DOCK5: variants seen among roughly 807,000 people sequenced by gnomAD.
DOCK5 encodes the protein dedicator of cytokinesis protein 5.
Under a neutral mutation model 251.8 loss-of-function variants are expected in DOCK5, and 142 were observed. The observed-to-expected ratio is 0.56, with a 90% CI of 0.49 to 0.65. The LOEUF (loss-of-function observed/expected upper bound fraction) is 0.65. Among genes scored for constraint, DOCK5 ranks in the 30% least tolerant of loss-of-function variants. The probability of loss-of-function intolerance (pLI) is 0.00; values close to 1 mark genes in which losing one functional copy is unlikely to be tolerated. For synonymous variants in DOCK5, 842 were observed against 835.5 expected (o/e 1.01, Z -0.13); for missense variants, 2,111 against 2,312.3 (o/e 0.91, Z 1.79).
chr8:25,399,048 G>C (rs1345821127), intron 45 of DOCK5, among the ~76,000 whole-genome samples: 1 of 152,160 alleles, frequency 6.6e-6, no homozygotes, highest in Non-Finnish European at 1.5e-5. Context: ...GCAGAAGACC[G>C]AAGGGGAATC....
intron 1 of DOCK5, among the ~76,000 whole-genome samples, chr8:25,187,294 CAT>C (rs1312579002): frequency 2.1e-5 from 3 of 143,020 alleles, no homozygotes; most frequent in African/African-American, 8.0e-5. Flanking sequence ...TATGTATATA[CAT>C]ATATATGTAT....
Position 25,372,610 on chromosome 8 carries a change from C to G in DOCK5, c.3576C>G (p.Val1192=). 1 of 1,605,058 alleles carries G rather than the reference C, an allele frequency of 6.2e-7. No homozygotes were observed. Among genetic ancestry groups the G allele is most frequent in the Non-Finnish European group, 8.5e-7 (1 of 1,176,468 alleles). Residue 1192 remains valine (V), a synonymous_variant, in exon 35 of 52, where the codon GTC becomes GTG. Coordinates refer to ENST00000276440, the MANE Select transcript of DOCK5 (RefSeq NM_024940.8). ...KHKYLSSSGE[V]FALLVSSLLE... ...AATACCTCTCCAGCTCTGGGGAGGT[C>G]TTCGCCCTCCTGGTCAGCAGCCTCT...
intron 47 of DOCK5, among the ~76,000 whole-genome samples, chr8:25,402,588 G>A (rs564561982): frequency 2.6e-5 from 4 of 151,512 alleles, no homozygotes; most frequent in Admixed American, 2.0e-4. Flanking sequence ...GAGCCACCGC[G>A]CCCGGCCCAC....
intron 1 of DOCK5, among the ~76,000 whole-genome samples, chr8:25,234,024 A>G (rs1802735174): frequency 6.6e-6 from 1 of 152,240 alleles, no homozygotes; most frequent in Non-Finnish European, 1.5e-5. Flanking sequence ...TCCAGAGGTT[A>G]AAGGAGTCAG....
At chr8:25,264,488 C>T (rs1172899220) in intron 2 of DOCK5, among the ~76,000 whole-genome samples, 2 of 151,866 alleles carry the variant, frequency 1.3e-5, no homozygotes, top group South Asian at 2.1e-4. Flanking sequence ...CTACACCTCA[C>T]ATCCCACAAT....
Position 25,408,097 on chromosome 8 carries a change from C to G in DOCK5, c.5208C>G (p.Asp1736Glu). 1 of 1,601,640 alleles carries G rather than the reference C, an allele frequency of 6.2e-7. No individual in the cohort carries two copies. Among genetic ancestry groups the G allele is most frequent in the South Asian group, 1.1e-5 (1 of 88,762 alleles). Residue 1736 changes from aspartate (D) to glutamate (E), a missense_variant, in exon 49 of 52, where the codon GAC becomes GAG. Around this residue, in one of 3 missense-constraint regions of DOCK5, gnomAD observed 1,717 missense variants for 1,892.4 expected, o/e 0.91. Transcript: ENST00000276440. ...ENRISKFKRK[D>E]WSLSKSQVIA... Reference sequence around the variant, plus strand: ...GGATCAGCAAGTTTAAGAGAAAAGACTGGAGTCTGAGCAAGTCCCAGGTCA... The same window carrying G: ...GGATCAGCAAGTTTAAGAGAAAAGAGTGGAGTCTGAGCAAGTCCCAGGTCA...
Position 25,392,891 on chromosome 8 carries a change from T to C in DOCK5, c.4527+9T>C, listed in dbSNP as rs755917378. ...TCAAACAGATTTCAACAGTGAGTCA[T>C]TTGAAATTGGCATTTAGAAAAAAAC... On this transcript the variant is annotated intron_variant, in intron 44 of 51. Transcript: ENST00000276440. 1.3e-5 allele frequency: 21 copies of C among 1,603,692 alleles called. No homozygotes were observed. The South Asian group carries it at 2.1e-4, about 16-fold the overall frequency.
chr8:25,270,788 A>G, intron 3 of DOCK5: 1 of 712,968 alleles, frequency 1.4e-6, no homozygotes. Context: ...TCATTTCCAC[A>G]GGCAATTGGT....
intron 3 of DOCK5, among the ~76,000 whole-genome samples, chr8:25,273,489 G>C (rs1166144339): frequency 6.6e-6 from 1 of 152,208 alleles, no homozygotes; most frequent in Non-Finnish European, 1.5e-5. Context: ...TGTAATCCCA[G>C]CTACTTGGGA....
At chr8:25,209,963 C>G (rs1802083389) in intron 1 of DOCK5, among the ~76,000 whole-genome samples, 1 of 60,290 alleles carries the variant, frequency 1.7e-5, no homozygotes, top group South Asian at 4.6e-4. Flanking sequence ...CCCTCAGTCT[C>G]TTGAGCTGCT....
chr8:25,410,284 G>A (rs1342417718), intron 51 of DOCK5, 82 bp downstream of exon 51: 8 of 1,225,854 alleles, frequency 6.5e-6, no homozygotes, highest in Middle Eastern at 1.9e-4. Flanking sequence ...GCTCTTTAGT[G>A]GGCAGGTTTG....
At position 25,184,832 on chromosome 8, in the gene DOCK5, G is replaced by A. The variant is rs906576128; in HGVS notation, c.-77G>A. 83 of 1,233,152 alleles carry A rather than the reference G, an allele frequency of 6.7e-5. No homozygotes were observed. Among genetic ancestry groups the A allele is most frequent in the Non-Finnish European group, 8.5e-5 (82 of 970,222 alleles). The allele number at this position is 1,233,152 out of a possible 1,614,324, so 76.4% of individuals were successfully genotyped here. ...GCGGAAGCGTCTGGGGCACGCAGGAGCGCGGGGCGGCGGCGGCCGGAGCCC... is the reference window on the plus strand; with the variant it reads ...GCGGAAGCGTCTGGGGCACGCAGGAACGCGGGGCGGCGGCGGCCGGAGCCC... On this transcript the variant is annotated 5_prime_UTR_variant, in exon 1 of 52. Coordinates refer to ENST00000276440, the MANE Select transcript of DOCK5 (RefSeq NM_024940.8).
rs943799423 is a variant in DOCK5 at position 25,341,564 on chromosome 8, A to G, written c.2440-175A>G. ...CTGTACCCCCTGGCATCTTCAGGAA[A>G]AGCATTTTAGGAGATCGTGTAGAGC... is the stretch of plus-strand genomic sequence containing the variant. On this transcript the variant is annotated intron_variant, in intron 23 of 51. Transcript: ENST00000276440. Among the ~76,000 whole-genome samples the G allele has an allele frequency of 2.0e-5, 3 of 152,176 alleles. No individual in the cohort carries two copies. In the South Asian group the frequency reaches 6.2e-4, roughly 32 times the overall value.
intron 33 of DOCK5, among the ~76,000 whole-genome samples, chr8:25,369,073 A>G (rs546273334): frequency 2.3e-4 from 35 of 152,354 alleles, no homozygotes; most frequent in Admixed American, 8.5e-4. Context: ...GGCTGAAAGC[A>G]GTGCAATGGA....
chr8:25,382,682 G>T lies in DOCK5; in HGVS notation c.4035G>T (p.Arg1345Ser). 1.2e-6 allele frequency: 2 copies of T among 1,608,916 alleles called. No homozygotes were observed. ...YEGLGNLLKK[R>S]ASFYENIIKA... is the part of the protein sequence containing the mutation. The stretch of plus-strand genomic sequence containing the variant: ...CTTGTTTTGTTTTCCAGAAAAAAAG[G>T]GCCTCATTTTATGAGAACATCATTA... Residue 1345 changes from arginine to serine, a missense_variant, in exon 40 of 52, where the codon AGG becomes AGT. Coordinates refer to ENST00000276440, the MANE Select transcript of DOCK5 (RefSeq NM_024940.8).
At chr8:25,279,687 A>G (rs2117131467) in intron 5 of DOCK5, among the ~76,000 whole-genome samples, 1 of 152,096 alleles carries the variant, frequency 6.6e-6, no homozygotes, top group Non-Finnish European at 1.5e-5. Flanking sequence ...ACACCATCTC[A>G]GCTCACTGCA....
At chr8:25,202,472 A>C (rs894870889) in intron 1 of DOCK5, among the ~76,000 whole-genome samples, 2 of 152,186 alleles carry the variant, frequency 1.3e-5, no homozygotes, top group African/African-American at 2.4e-5. Flanking sequence ...ACAACAAACT[A>C]ACGGAAATGT....
chr8:25,202,414 G>T (rs906444193), intron 1 of DOCK5, among the ~76,000 whole-genome samples: 2 of 152,150 alleles, frequency 1.3e-5, no homozygotes, highest in African/African-American at 4.8e-5. Flanking sequence ...CACTGGCTTA[G>T]AACAGCCTGG....
At chr8:25,384,521 G>A (rs1801130389) in intron 40 of DOCK5, among the ~76,000 whole-genome samples, 1 of 147,592 alleles carries the variant, frequency 6.8e-6, no homozygotes, top group African/African-American at 2.5e-5. Flanking sequence ...GTGCAGTGGT[G>A]GAATCTCGGC....
Sources: allele counts gnomAD v4.1 joint callset (sites outside exome capture counted in the v4.1 genomes callset), GRCh38; gene constraint gnomAD v4.1.1; regional missense constraint gnomAD v4.1.1; transcripts MANE v1.5; gene names NCBI Gene and HGNC (gene_info 2026-07-23, HGNC 2026-07-21).